PHF14: variants seen among roughly 807,000 people sequenced by gnomAD.
PHF14 encodes PHD finger protein 14.
Under a neutral mutation model 117.9 loss-of-function variants are expected in PHF14, and 55 were observed. That is an observed-to-expected ratio of 0.47 (90% CI 0.38 to 0.58). The LOEUF (loss-of-function observed/expected upper bound fraction) is 0.58, where lower values mean the gene tolerates loss of function less well. Ranked by LOEUF, PHF14 falls within the 20% of genes least tolerant of loss-of-function variation. The pLI, the probability that PHF14 is intolerant of heterozygous loss-of-function variation, is 0.00. For missense variants in PHF14, 978 were observed against 1,122.2 expected (o/e 0.87, Z 1.84); for synonymous variants, 409 against 368.6 (o/e 1.11, Z -1.26).
At chr7:10,975,743 A>G (rs1477007821) in intron 2 of PHF14, among the ~76,000 whole-genome samples, 1 of 152,222 alleles carries the variant, frequency 6.6e-6, no homozygotes, top group Admixed American at 6.5e-5. Context: ...ATTTTAATAA[A>G]GTGAGATGAA....
chr7:11,088,254 T>A (rs1479356432), intron 16 of PHF14, among the ~76,000 whole-genome samples: 1 of 152,190 alleles, frequency 6.6e-6, no homozygotes, highest in Non-Finnish European at 1.5e-5. Context: ...ATATTTTTTT[T>A]ATTGTTGTAT....
At chr7:11,138,498 G>A (rs1231760037) in intron 17 of PHF14, among the ~76,000 whole-genome samples, 4 of 152,074 alleles carry the variant, frequency 2.6e-5, no homozygotes, top group South Asian at 4.2e-4. Flanking sequence ...TGTGCCCTGC[G>A]CACAATTACC....
intron 17 of PHF14, among the ~76,000 whole-genome samples, chr7:11,123,965 T>G (rs1024853469): frequency 1.3e-5 from 2 of 148,634 alleles, no homozygotes; most frequent in African/African-American, 4.8e-5. Flanking sequence ...GAATTTTGTT[T>G]AATATAGTAA....
rs534677415 is a variant in PHF14, at chr7:10,995,502, C to T, written c.1045+4655C>T. Among the ~76,000 whole-genome samples, 124 of 152,360 alleles carry T rather than the reference C, an allele frequency of 8.1e-4. No individual in the cohort carries two copies. In the East Asian group the frequency reaches 9.1e-3, roughly 11 times the overall value. ...CTAGCTGGCTTCACCCAGTGGATCC[C>T]GCACCAGGGCCACATGTGGAGCTGC... On this transcript the variant is annotated intron_variant, in intron 4 of 17. Coordinates refer to ENST00000634607, the MANE Select transcript of PHF14 (RefSeq NM_001007157.2).
At chr7:11,023,192 T>C (rs1783793197) in intron 6 of PHF14, among the ~76,000 whole-genome samples, 1 of 152,178 alleles carries the variant, frequency 6.6e-6, no homozygotes, top group Admixed American at 6.5e-5. Flanking sequence ...ACGTATGAGG[T>C]AAAATGATAA....
At chr7:11,011,003 A>G (rs889893490) in intron 4 of PHF14, among the ~76,000 whole-genome samples, 2 of 152,228 alleles carry the variant, frequency 1.3e-5, no homozygotes, top group African/African-American at 2.4e-5. Context: ...TTTGAATAGC[A>G]TAAGGATAAC....
chr7:11,007,527 T>C (rs1562416490), intron 4 of PHF14, among the ~76,000 whole-genome samples: 1 of 152,188 alleles, frequency 6.6e-6, no homozygotes, highest in African/African-American at 2.4e-5. Flanking sequence ...GTAGCTAGTA[T>C]TGCTAGAGTC....
chr7:11,104,198 T>C (rs1402887751), intron 16 of PHF14: 1 of 981,590 alleles, frequency 1.0e-6, no homozygotes, highest in Admixed American at 6.2e-5. Flanking sequence ...ATTATAATAC[T>C]ATATTATCAT....
intron 7 of PHF14, among the ~76,000 whole-genome samples, chr7:11,031,921 T>C (rs145070489): frequency 2.6e-5 from 4 of 152,344 alleles, no homozygotes; most frequent in Non-Finnish European, 5.9e-5. Flanking sequence ...TTTGGTGCTA[T>C]TGAACATTGC....
intron 17 of PHF14, among the ~76,000 whole-genome samples, chr7:11,127,414 C>G (rs762337936): frequency 6.6e-6 from 1 of 152,074 alleles, no homozygotes; most frequent in Non-Finnish European, 1.5e-5. Flanking sequence ...TGGCTAGATT[C>G]CTTTCTAGAG....
In PHF14 at chr7:11,061,830, G is replaced by A. The variant is rs1785234489; in HGVS notation, c.2521G>A (p.Glu841Lys). ...AAAACGAAGCTTCGTTCCTGAGGAA[G>A]AAAAACATGAGGTTGGAATAAGTTA... is the stretch of plus-strand genomic sequence containing the variant. ...GRKRSFVPEEEKHEERVPRER... is the reference protein window; with the variant it reads ...GRKRSFVPEEKKHEERVPRER... The change falls in exon 15 of 18, where the codon GAA becomes AAA. Residue 841 changes from glutamate (E) to lysine (K), a missense_variant. Transcript: ENST00000634607. 6.6e-7 allele frequency: 1 copy of A among 1,525,724 alleles called. No individual in the cohort carries two copies. The highest frequency in any genetic ancestry group is 8.8e-7 in the Non-Finnish European group (1 of 1,137,178). 94.5% of individuals were successfully genotyped at this position (1,525,724 alleles called of 1,614,324 possible).
At chr7:11,105,826 TAAATAAAATGAG>T in intron 16 of PHF14, 1 of 984,666 alleles carries the variant, frequency 1.0e-6, no homozygotes, top group Non-Finnish European at 1.2e-6. Context: ...CTGGGCTTTG[TAAATAAAATGAG>T]ATTGACACCC....
At chr7:11,016,097 G>A (rs1249165608) in intron 5 of PHF14, among the ~76,000 whole-genome samples, 3 of 151,998 alleles carry the variant, frequency 2.0e-5, no homozygotes, top group Non-Finnish European at 4.4e-5. Context: ...TTTACTGAGG[G>A]ATTTTTTTTT....
At chr7:11,113,936 C>A (rs1246696428) in intron 17 of PHF14, among the ~76,000 whole-genome samples, 1 of 152,118 alleles carries the variant, frequency 6.6e-6, no homozygotes, top group East Asian at 1.9e-4. Flanking sequence ...TAAAAGAAAC[C>A]CAGAATGAAA....
At chr7:11,035,150 A>G (rs1784276524) in intron 7 of PHF14, among the ~76,000 whole-genome samples, 1 of 152,036 alleles carries the variant, frequency 6.6e-6, no homozygotes, top group South Asian at 2.1e-4. Flanking sequence ...CAAATATAAA[A>G]CCAATACAGT....
At chr7:11,152,751 A>G (rs943864773) in intron 17 of PHF14, among the ~76,000 whole-genome samples, 2 of 152,208 alleles carry the variant, frequency 1.3e-5, no homozygotes, top group African/African-American at 4.8e-5. Flanking sequence ...ATTGTAATAA[A>G]TGTTATGGAA....
intron 17 of PHF14, among the ~76,000 whole-genome samples, chr7:11,157,065 A>C (rs1382101048): frequency 6.6e-6 from 1 of 152,140 alleles, no homozygotes; most frequent in African/African-American, 2.4e-5. Flanking sequence ...TGTATACCTG[A>C]TGCACTTTAT....
chr7:10,995,560 C>T (rs1782611757), intron 4 of PHF14, among the ~76,000 whole-genome samples: 1 of 152,192 alleles, frequency 6.6e-6, no homozygotes, highest in Non-Finnish European at 1.5e-5. Context: ...CCGCATTCCT[C>T]AGCCCTTGGG....
rs184445000 is a variant in PHF14, at chr7:11,050,292, A to G, written c.2313-1320A>G. On this transcript the variant is annotated intron_variant, in intron 13 of 17. Coordinates refer to ENST00000634607, the MANE Select transcript of PHF14 (RefSeq NM_001007157.2). ...GCTACATTCAAAGATACTGATATAA[A>G]CATATAAACTAAATATCAAATACAA... 4.6e-4 allele frequency among the ~76,000 whole-genome samples: 70 copies of G among 152,308 alleles called. 1 individual carries two copies. The highest frequency in any genetic ancestry group is 8.2e-4 in the Non-Finnish European group (56 of 68,000).
Sources: allele counts gnomAD v4.1 joint callset (sites outside exome capture counted in the v4.1 genomes callset), GRCh38; gene constraint gnomAD v4.1.1; transcripts MANE v1.5; gene names NCBI Gene and HGNC (gene_info 2026-07-23, HGNC 2026-07-21).